ARHGAP24: variants seen among roughly 807,000 people sequenced by gnomAD.
ARHGAP24 encodes the protein rho GTPase-activating protein 24.
A neutral mutation model predicts 76.4 loss-of-function variants in ARHGAP24; 50 were observed. The ratio of observed to expected loss-of-function variants is 0.65; its 90% CI spans 0.52 to 0.83. ARHGAP24 has a LOEUF of 0.83. Ranked by LOEUF, ARHGAP24 falls within the 40% of genes least tolerant of loss-of-function variation. ARHGAP24 has a pLI of 0.00. For missense variants in ARHGAP24, 930 were observed against 914.2 expected, an observed-to-expected ratio of 1.02 and a Z score of -0.22; for synonymous variants, 345 against 323.3, an observed-to-expected ratio of 1.07 and a Z score of -0.72.
intron 2 of ARHGAP24, among the ~76,000 whole-genome samples, chr4:85,667,502 C>G (rs1008848724): frequency 6.6e-6 from 1 of 152,128 alleles, no homozygotes; most frequent in African/African-American, 2.4e-5. Context: ...TGCACTGCAC[C>G]CACTGTCCTG....
At chr4:85,762,763 A>T (rs774412375) in intron 3 of ARHGAP24, among the ~76,000 whole-genome samples, 2 of 152,172 alleles carry the variant, frequency 1.3e-5, no homozygotes, top group African/African-American at 4.8e-5. Context: ...ATAATTTCCT[A>T]TTACACTTAT....
chr4:85,966,697 G>A lies in ARHGAP24; in HGVS notation c.600-5339G>A, dbSNP rs188262568. ...GCAAGACCATTTCGTGGTAGCATTG[G>A]TGTTGGAAGTACTGCCAAATGCTTT... On this transcript the variant is annotated intron_variant, in intron 5 of 9. Transcript: ENST00000395184. Among the ~76,000 whole-genome samples the A allele has an allele frequency of 1.4e-4, 22 of 152,234 alleles. No individual in the cohort carries two copies. In the East Asian group the frequency reaches 3.5e-3, roughly 24 times the overall value.
At chr4:85,643,983 CT>C (rs1218408517) in intron 2 of ARHGAP24, among the ~76,000 whole-genome samples, 2 of 152,094 alleles carry the variant, frequency 1.3e-5, no homozygotes, top group Non-Finnish European at 2.9e-5. Flanking sequence ...AAGATGATGC[CT>C]TTGACTTCAT....
chr4:85,917,335 C>G (rs346513), intron 3 of ARHGAP24, among the ~76,000 whole-genome samples: 50,146 of 150,636 alleles, frequency 0.33, 8,314 homozygotes, highest in East Asian at 0.65. Flanking sequence ...GGGTTGGTTC[C>G]AAGTCTTTGC....
intron 1 of ARHGAP24, among the ~76,000 whole-genome samples, chr4:85,515,059 T>A (rs1477056457): frequency 6.6e-6 from 1 of 151,760 alleles, no homozygotes; most frequent in African/African-American, 2.4e-5. Context: ...TCTGAGAGAG[T>A]ACGTAGAATA....
chr4:85,678,569 A>T (rs1234365042), intron 2 of ARHGAP24, among the ~76,000 whole-genome samples: 1 of 152,210 alleles, frequency 6.6e-6, no homozygotes, highest in Non-Finnish European at 1.5e-5. Context: ...TTGGAGAAAT[A>T]TGATTAATAC....
chr4:85,525,897 C>T (rs1724971547), intron 1 of ARHGAP24, among the ~76,000 whole-genome samples: 1 of 152,136 alleles, frequency 6.6e-6, no homozygotes, highest in African/African-American at 2.4e-5. Context: ...TCGCCTTTTA[C>T]TTTGTTCTCA....
At chr4:85,552,703 G>T (rs929246561) in intron 1 of ARHGAP24, among the ~76,000 whole-genome samples, 2 of 152,174 alleles carry the variant, frequency 1.3e-5, no homozygotes, top group Non-Finnish European at 2.9e-5. Context: ...TGGTGCTCCT[G>T]TGTCAAGTGC....
At chr4:85,811,706 T>C (rs888581946) in intron 3 of ARHGAP24, among the ~76,000 whole-genome samples, 1 of 152,226 alleles carries the variant, frequency 6.6e-6, no homozygotes, top group Non-Finnish European at 1.5e-5. Flanking sequence ...TATTTTGTTA[T>C]TATGTGGATA....
Position 85,925,667 on chromosome 4 carries a change from T to C in ARHGAP24, c.391+1897T>C, listed in dbSNP as rs1421399408. Among the ~76,000 whole-genome samples, 6 of 152,338 alleles carry C rather than the reference T, an allele frequency of 3.9e-5. 1 individual carries two copies. The South Asian group carries it at 1.2e-3, about 32-fold the overall frequency. Reference sequence around the variant, plus strand: ...TCTTTTACTGTGCCTAATTCATAAATTTACTTTATCATAGTTATGTATGTA... The same window carrying C: ...TCTTTTACTGTGCCTAATTCATAAACTTACTTTATCATAGTTATGTATGTA... On this transcript the variant is annotated intron_variant, in intron 4 of 9. Coordinates refer to ENST00000395184, the MANE Select transcript of ARHGAP24 (RefSeq NM_001025616.3).
intron 1 of ARHGAP24, among the ~76,000 whole-genome samples, chr4:85,478,267 A>G (rs1334285309): frequency 1.3e-5 from 2 of 152,242 alleles, no homozygotes. Flanking sequence ...AAAGATATTT[A>G]AAAATACAGT....
intron 2 of ARHGAP24, among the ~76,000 whole-genome samples, chr4:85,651,116 G>A (rs945524021): frequency 6.7e-6 from 1 of 149,108 alleles, no homozygotes; most frequent in Admixed American, 6.6e-5. Flanking sequence ...AAACAAGTTC[G>A]GTGAAGTTGG....
intron 1 of ARHGAP24, among the ~76,000 whole-genome samples, chr4:85,566,950 A>G (rs565436257): frequency 2.0e-5 from 3 of 152,298 alleles, no homozygotes; most frequent in Non-Finnish European, 4.4e-5. Flanking sequence ...AGAAATCAGC[A>G]AGGGATAAAG....
At chr4:85,514,160 A>G (rs1724394696) in intron 1 of ARHGAP24, among the ~76,000 whole-genome samples, 1 of 152,120 alleles carries the variant, frequency 6.6e-6, no homozygotes, top group South Asian at 2.1e-4. Flanking sequence ...CCATCTTTCT[A>G]TTCTAAGGAT....
In ARHGAP24 at chr4:85,700,517, C is replaced by A. The variant is rs537636956; in HGVS notation, c.181-21368C>A. Reference sequence around the variant, plus strand: ...TAACTTCAAGATTTTTGGCTGAATACCCTGAAAGACAAAATTGCCATCAAT... The same window carrying A: ...TAACTTCAAGATTTTTGGCTGAATAACCTGAAAGACAAAATTGCCATCAAT... On this transcript the variant is annotated intron_variant, in intron 2 of 9. Transcript: ENST00000395184. Among the ~76,000 whole-genome samples the A allele has an allele frequency of 7.2e-5, 11 of 152,036 alleles. No homozygotes were observed. In the South Asian group the frequency reaches 2.1e-3, roughly 29 times the overall value.
chr4:85,911,060 T>C (rs913583332), intron 3 of ARHGAP24, among the ~76,000 whole-genome samples: 1 of 152,172 alleles, frequency 6.6e-6, no homozygotes, highest in African/African-American at 2.4e-5. Context: ...CAGGAGGGCC[T>C]TCCTGGGTCC....
chr4:85,843,958 G>C (rs1375146014), intron 3 of ARHGAP24, among the ~76,000 whole-genome samples: 2 of 152,046 alleles, frequency 1.3e-5, no homozygotes, highest in Non-Finnish European at 2.9e-5. Flanking sequence ...GAATAATTAA[G>C]TAGAATGTGT....
At position 86,002,609 on chromosome 4, in the gene ARHGAP24, T is replaced by C. The variant is rs1215384533; in HGVS notation, c.*1887T>C. 1.3e-5 allele frequency: 2 copies of C among 152,098 alleles called. No individual in the cohort carries two copies. The highest frequency in any genetic ancestry group is 1.5e-5 in the Non-Finnish European group (1 of 68,012). The allele number at this position is 152,098 out of a possible 1,614,324, so 9.4% of individuals were successfully genotyped here. A position where few individuals can be genotyped will look rare whatever the true frequency, so the allele number is the denominator to read the frequency against. On this transcript the variant is annotated 3_prime_UTR_variant, in exon 10 of 10. Coordinates refer to ENST00000395184, the MANE Select transcript of ARHGAP24 (RefSeq NM_001025616.3). ...CAATTTGCCAGCTGTTACTGAACCT[T>C]CTATGCATAACTTTTTTTTTCCTCT...
intron 3 of ARHGAP24, among the ~76,000 whole-genome samples, chr4:85,895,284 C>T (rs929145698): frequency 1.3e-5 from 2 of 152,180 alleles, no homozygotes; most frequent in Non-Finnish European, 2.9e-5. Context: ...TTACTTACTA[C>T]TTCCAGCTTC....
Sources: allele counts gnomAD v4.1 joint callset (sites outside exome capture counted in the v4.1 genomes callset), GRCh38; gene constraint gnomAD v4.1.1; transcripts MANE v1.5; gene names NCBI Gene and HGNC (gene_info 2026-07-23, HGNC 2026-07-21).